SHC2: variants seen among roughly 807,000 people sequenced by gnomAD.
SHC2 encodes the protein SHC-transforming protein 2.
In SHC2, 62 loss-of-function variants were observed where a neutral mutation model predicts 60.6. The ratio of observed to expected loss-of-function variants is 1.02; its 90% CI spans 0.83 to 1.26. The LOEUF (loss-of-function observed/expected upper bound fraction) is 1.26. SHC2 is among the 50% of genes most tolerant of loss of function. The probability of loss-of-function intolerance (pLI) is 0.00; values close to 1 mark genes in which losing one functional copy is unlikely to be tolerated. For missense variants in SHC2, 873 were observed against 822.2 expected (o/e 1.06, Z -0.76); for synonymous variants, 375 against 372.4 (o/e 1.01, Z -0.08).
In SHC2 at chr19:425,343, CTG is replaced by C; in HGVS notation, c.1175-114_1175-113del. 1.1e-6 allele frequency: 1 copy of C among 924,828 alleles called. No homozygotes were observed. The highest frequency in any genetic ancestry group is 1.4e-6 in the Non-Finnish European group (1 of 703,942). 57.3% of individuals were successfully genotyped at this position (924,828 alleles called of 1,614,324 possible). A position where few individuals can be genotyped will look rare whatever the true frequency, so the allele number is the denominator to read the frequency against. ...CCCCGGCCACCACCTGTGCTGCTGG[CTG>C]CAGGGCGGATGCTGCTCTGGTCTCC... On this transcript the variant is annotated intron_variant, in intron 9 of 12. Transcript: ENST00000264554. The surrounding 1 kb of genome is among the most constrained non-coding windows in gnomAD (Gnocchi z 4.1).
intron 9 of SHC2, among the ~76,000 whole-genome samples, chr19:427,191 A>G (rs1974437154): frequency 6.6e-6 from 1 of 152,188 alleles, no homozygotes; most frequent in Non-Finnish European, 1.5e-5. Flanking sequence ...GGAAGATCTA[A>G]AAAAAGCTCA....
At position 419,087 on chromosome 19, in the gene SHC2, C is replaced by A. The variant is rs541338050; in HGVS notation, c.1621-31G>T. 3.8e-5 allele frequency: 59 copies of A among 1,549,270 alleles called. No homozygotes were observed. In the East Asian group the frequency reaches 1.2e-3, roughly 33 times the overall value. On this transcript the variant is annotated intron_variant, in intron 11 of 12. Transcript: ENST00000264554. ...GGACAGAGACCTCGGCATCAGCTCC[C>A]GGGAGCCCGCCTGGACCCGTGGAGT...
At chr19:430,768 G>A in intron 8 of SHC2, 21 bp from the exon 9 acceptor site, 1 of 1,611,132 alleles carries the variant, frequency 6.2e-7, no homozygotes, top group Non-Finnish European at 8.5e-7. Context: ...AGCAGTGAGA[G>A]GTTCCCCGGT....
chr19:436,490 G>A, intron 5 of SHC2, 59 bp from the exon 6 acceptor site: 2 of 1,595,936 alleles, frequency 1.3e-6, no homozygotes, highest in Non-Finnish European at 1.7e-6. Context: ...ATTCCCAGCT[G>A]CCCACCCCAG....
rs1235528245 is a variant in SHC2 at position 441,817 on chromosome 19, T to C, written c.469-885A>G. On this transcript the variant is annotated intron_variant, in intron 1 of 12. Transcript: ENST00000264554. This position sits in a 1 kb window ranked among gnomAD's most constrained non-coding sequence, Gnocchi z 4.9. ...ACATGCAAAATGATGAATAACGTTA[T>C]GTGAAGTCCACCTCAGTTTCTTTAA... Among the ~76,000 whole-genome samples, 1 of 152,280 alleles carries C rather than the reference T, an allele frequency of 6.6e-6. No individual in the cohort carries two copies. Among genetic ancestry groups the C allele is most frequent in the Admixed American group, 6.5e-5 (1 of 15,292 alleles).
chr19:438,705 A>C lies in SHC2; in HGVS notation c.720+13T>G, dbSNP rs572720327. On this transcript the variant is annotated intron_variant, in intron 4 of 12. Coordinates refer to ENST00000264554, the MANE Select transcript of SHC2 (RefSeq NM_012435.3). The surrounding 1 kb of genome is among the most constrained non-coding windows in gnomAD (Gnocchi z 5.0). ...GGGGGTCTGGGGACGCCAGGCGAAGAGGGCAGACCCACCTGGCGCGTGGCA... is the reference window on the plus strand; with the variant it reads ...GGGGGTCTGGGGACGCCAGGCGAAGCGGGCAGACCCACCTGGCGCGTGGCA... 23 of 1,548,858 alleles carry C rather than the reference A, an allele frequency of 1.5e-5. No homozygotes were observed. In the East Asian group the frequency reaches 5.1e-4, roughly 35 times the overall value.
intron 7 of SHC2, 174 bp downstream of exon 7, chr19:435,991 G>A (rs1415047167): frequency 4.5e-6 from 3 of 663,088 alleles, no homozygotes; most frequent in Middle Eastern, 4.3e-4. Flanking sequence ...GCGTTTACTC[G>A]GGTGTTAACA....
At chr19:443,733 G>T (rs1974974852) in intron 1 of SHC2, among the ~76,000 whole-genome samples, 1 of 150,408 alleles carries the variant, frequency 6.6e-6, no homozygotes, top group Non-Finnish European at 1.5e-5. Context: ...TGGATGGGTG[G>T]GTGGATGGAT....
At chr19:457,125 C>G (rs1304534525) in intron 1 of SHC2, among the ~76,000 whole-genome samples, 1 of 142,772 alleles carries the variant, frequency 7.0e-6, no homozygotes, top group Non-Finnish European at 1.6e-5. Flanking sequence ...TGCTGTGCCC[C>G]GACTAGAACT....
At chr19:434,132 G>A (rs1974644832) in intron 8 of SHC2, among the ~76,000 whole-genome samples, 1 of 148,020 alleles carries the variant, frequency 6.8e-6, no homozygotes, top group Admixed American at 6.7e-5. Flanking sequence ...GAGGAGGCCG[G>A]GCAGATGGCG....
At chr19:457,189 G>A (rs1422738047) in intron 1 of SHC2, among the ~76,000 whole-genome samples, 1 of 121,194 alleles carries the variant, frequency 8.3e-6, no homozygotes, top group African/African-American at 3.6e-5. Context: ...GCTGTGCCCC[G>A]ACTAGAACTC....
chr19:436,548 C>A (rs770417435), intron 5 of SHC2, 82 bp downstream of exon 5: 3 of 1,580,866 alleles, frequency 1.9e-6, no homozygotes, highest in Non-Finnish European at 2.6e-6. Context: ...GTACGTTAGG[C>A]GGGCTCTGGG....
chr19:424,602 G>A lies in SHC2; in HGVS notation c.1309+495C>T, dbSNP rs1974361949. Among the ~76,000 whole-genome samples the A allele has an allele frequency of 1.3e-5, 2 of 152,176 alleles. No individual in the cohort carries two copies. The highest frequency in any genetic ancestry group is 4.8e-5 in the African/African-American group (2 of 41,438). On this transcript the variant is annotated intron_variant, in intron 10 of 12. Transcript: ENST00000264554. This position sits in a 1 kb window ranked among gnomAD's most constrained non-coding sequence, Gnocchi z 4.5. ...CCCCTGTTGACTGGAGGGCCTCACA[G>A]ACGGGGCCGCAGCCTCCCACCACAC...
intron 1 of SHC2, among the ~76,000 whole-genome samples, chr19:460,045 C>T (rs946381840): frequency 2.6e-5 from 4 of 152,222 alleles, no homozygotes; most frequent in African/African-American, 4.8e-5. Flanking sequence ...ACAAAGGCCG[C>T]TTCCTTGGCC....
At chr19:426,403 GA>G (rs1974418692) in intron 9 of SHC2, among the ~76,000 whole-genome samples, 1 of 145,184 alleles carries the variant, frequency 6.9e-6, no homozygotes, top group Non-Finnish European at 1.5e-5. Flanking sequence ...GAGAGGGGCA[GA>G]GTCCGGGGAG....
chr19:417,673 C>G (rs547740107), intron 12 of SHC2, among the ~76,000 whole-genome samples: 12 of 152,368 alleles, frequency 7.9e-5, no homozygotes, highest in African/African-American at 2.9e-4. Flanking sequence ...CTGGGGTCAC[C>G]AACGCCTTTC....
In SHC2 at chr19:425,826, C is replaced by T. The variant is rs547894254; in HGVS notation, c.1175-595G>A. ...GGTGAATCATTTGAGGTCAGGAGTTCGAGACCAGCCTGGCCAACATGGTGA... is the reference window on the plus strand; with the variant it reads ...GGTGAATCATTTGAGGTCAGGAGTTTGAGACCAGCCTGGCCAACATGGTGA... On this transcript the variant is annotated intron_variant, in intron 9 of 12. Coordinates refer to ENST00000264554, the MANE Select transcript of SHC2 (RefSeq NM_012435.3). This position sits in a 1 kb window ranked among gnomAD's most constrained non-coding sequence, Gnocchi z 4.1. Among the ~76,000 whole-genome samples the T allele has an allele frequency of 1.9e-3, 294 of 151,996 alleles. 4 individuals are homozygous for T. The highest frequency in any genetic ancestry group is 2.3e-3 in the Non-Finnish European group (159 of 67,966).
At position 447,368 on chromosome 19, in the gene SHC2, G is replaced by A. The variant is rs144254273; in HGVS notation, c.469-6436C>T. 3.0e-3 allele frequency among the ~76,000 whole-genome samples: 451 copies of A among 152,384 alleles called. 1 individual carries two copies. Among genetic ancestry groups the A allele is most frequent in the Middle Eastern group, 0.01 (3 of 294 alleles). The stretch of plus-strand genomic sequence containing the variant: ...AGTTTCCATTTTGCCTGACGGGAGC[G>A]TCCTGGAACTAGACACGGGTGAGGG... On this transcript the variant is annotated intron_variant, in intron 1 of 12. Coordinates refer to ENST00000264554, the MANE Select transcript of SHC2 (RefSeq NM_012435.3).
At chr19:423,811 G>A (rs572268809) in intron 10 of SHC2, among the ~76,000 whole-genome samples, 50 of 152,208 alleles carry the variant, frequency 3.3e-4, no homozygotes, top group South Asian at 6.2e-4. Flanking sequence ...AGGACTCTTC[G>A]TGGAGGACGG....
Sources: gnomAD v4.1 joint callset for allele counts (sites outside exome capture counted in the v4.1 genomes callset) on GRCh38, gnomAD v4.1.1 for gene constraint, Gnocchi (gnomAD v3.1) non-coding constraint, MANE v1.5 for transcripts, NCBI Gene and HGNC (gene_info 2026-07-23, HGNC 2026-07-21) for gene names.